ZRANB3: variants seen among roughly 807,000 people sequenced by gnomAD.
ZRANB3 encodes DNA annealing helicase and endonuclease ZRANB3.
In ZRANB3, 125 loss-of-function variants were observed where a neutral mutation model predicts 133.8. The ratio of observed to expected loss-of-function variants is 0.93; its 90% CI spans 0.81 to 1.08. The LOEUF (loss-of-function observed/expected upper bound fraction) is 1.08. ZRANB3 is among the 50% of genes least tolerant of loss of function. The pLI, the probability that ZRANB3 is intolerant of heterozygous loss-of-function variation, is 0.00. For missense variants in ZRANB3, 1,229 were observed against 1,275.5 expected, an observed-to-expected ratio of 0.96 and a Z score of 0.56; for synonymous variants, 387 against 432.7, an observed-to-expected ratio of 0.89 and a Z score of 1.31.
chr2:135,297,845 G>A (rs931002997), intron 8 of ZRANB3, among the ~76,000 whole-genome samples: 3 of 152,110 alleles, frequency 2.0e-5, no homozygotes, highest in Non-Finnish European at 4.4e-5. Flanking sequence ...ATTTCTCTAA[G>A]TGTTTCTTTT....
At chr2:135,250,127 T>C (rs895911265) in intron 12 of ZRANB3, among the ~76,000 whole-genome samples, 7 of 152,184 alleles carry the variant, frequency 4.6e-5, no homozygotes, top group African/African-American at 1.7e-4. Context: ...ATGAGGAATT[T>C]GCTGGGAACT....
At chr2:135,499,536 A>G (rs1692841376) in intron 2 of ZRANB3, among the ~76,000 whole-genome samples, 1 of 152,202 alleles carries the variant, frequency 6.6e-6, no homozygotes, top group Non-Finnish European at 1.5e-5. Flanking sequence ...CAGAAGAAAA[A>G]CAGATAAGAA....
At chr2:135,418,059 A>G (rs1269904208) in intron 2 of ZRANB3, among the ~76,000 whole-genome samples, 1 of 152,218 alleles carries the variant, frequency 6.6e-6, no homozygotes, top group Non-Finnish European at 1.5e-5. Context: ...ATGTATACAT[A>G]TGTAACTAAC....
intron 8 of ZRANB3, among the ~76,000 whole-genome samples, chr2:135,310,938 A>C (rs981130672): frequency 6.6e-6 from 1 of 151,590 alleles, no homozygotes; most frequent in Non-Finnish European, 1.5e-5. Flanking sequence ...AGATTAGGCA[A>C]AAATTTCTTA....
intron 6 of ZRANB3, among the ~76,000 whole-genome samples, chr2:135,337,326 A>G (rs1430290089): frequency 1.3e-5 from 2 of 152,228 alleles, no homozygotes; most frequent in Non-Finnish European, 2.9e-5. Context: ...CAGTTGTCTG[A>G]AGAATACTAT....
At chr2:135,382,511 C>T (rs1338306605) in intron 3 of ZRANB3, among the ~76,000 whole-genome samples, 2 of 152,134 alleles carry the variant, frequency 1.3e-5, no homozygotes, top group Non-Finnish European at 2.9e-5. Context: ...AGATACTCCT[C>T]GAGAAGAGCA....
rs552269501 is a variant in ZRANB3, at chr2:135,478,384, AC to A, written c.161+25944del. Among the ~76,000 whole-genome samples the A allele has an allele frequency of 2.0e-5, 3 of 151,038 alleles. No homozygotes were observed. The Admixed American group carries it at 2.0e-4, about 10-fold the overall frequency. Reference sequence around the variant, plus strand: ...GTTAAAGAAACAGAATATTATCAGCACCCCCCCGAAGCCTCTCTTGTGGCCC... The same window carrying A: ...GTTAAAGAAACAGAATATTATCAGCACCCCCCGAAGCCTCTCTTGTGGCCC... On this transcript the variant is annotated intron_variant, in intron 2 of 20. Transcript: ENST00000264159.
intron 2 of ZRANB3, among the ~76,000 whole-genome samples, chr2:135,479,927 C>T (rs956134595): frequency 2.6e-5 from 4 of 151,476 alleles, no homozygotes; most frequent in African/African-American, 9.7e-5. Flanking sequence ...CCTATACTTA[C>T]GATTAATTCA....
rs1368153434 is a variant in ZRANB3, at chr2:135,198,188, C to T, written c.*2154G>A. The T allele has an allele frequency of 1.3e-5, 2 of 152,198 alleles. No individual in the cohort carries two copies. The allele number at this position is 152,198 out of a possible 1,614,324, so 9.4% of individuals were successfully genotyped here. A position where few individuals can be genotyped will look rare whatever the true frequency, so the allele number is the denominator to read the frequency against. On this transcript the variant is annotated 3_prime_UTR_variant, in exon 21 of 21. Transcript: ENST00000264159. ...CACTTTCTGTGTCCCTCTGTCATAA[C>T]CTCCCATTTGCAATACATAGTGGGG...
rs570867243 is a variant in ZRANB3, at chr2:135,311,796, T to C, written c.966+1693A>G. On this transcript the variant is annotated intron_variant, in intron 8 of 20. Transcript: ENST00000264159. ...TTTTGTTCCCATACATTGGAGGATGTAAGGAAAGCAATAAAAAGGAAAAGT... is the reference window on the plus strand; with the variant it reads ...TTTTGTTCCCATACATTGGAGGATGCAAGGAAAGCAATAAAAAGGAAAAGT... 3.9e-5 allele frequency among the ~76,000 whole-genome samples: 6 copies of C among 152,222 alleles called. No homozygotes were observed. In the East Asian group the frequency reaches 1.2e-3, roughly 29 times the overall value.
chr2:135,438,481 G>T (rs1281282692), intron 2 of ZRANB3, among the ~76,000 whole-genome samples: 2 of 149,536 alleles, frequency 1.3e-5, no homozygotes, highest in Non-Finnish European at 3.0e-5. Flanking sequence ...CTCTAGCATG[G>T]GTGACAAGAG....
chr2:135,239,602 A>G (rs528926203), intron 12 of ZRANB3, among the ~76,000 whole-genome samples: 2 of 152,350 alleles, frequency 1.3e-5, no homozygotes, highest in South Asian at 4.1e-4. Flanking sequence ...AAGTTATCTA[A>G]TTAGTTGTGA....
chr2:135,248,287 C>T (rs937838403), intron 12 of ZRANB3, among the ~76,000 whole-genome samples: 9 of 152,134 alleles, frequency 5.9e-5, no homozygotes, highest in African/African-American at 2.2e-4. Flanking sequence ...AGTAGCTGCT[C>T]GGCAACTCCC....
chr2:135,412,950 G>C (rs570850472), intron 2 of ZRANB3, among the ~76,000 whole-genome samples: 1 of 151,962 alleles, frequency 6.6e-6, no homozygotes, highest in African/African-American at 2.4e-5. Flanking sequence ...GTATTACTCT[G>C]GATCTATTAT....
At chr2:135,430,759 T>C (rs1689287263) in intron 2 of ZRANB3, among the ~76,000 whole-genome samples, 2 of 152,300 alleles carry the variant, frequency 1.3e-5, no homozygotes, top group East Asian at 3.9e-4. Flanking sequence ...AAATCATCCA[T>C]ATATGGTCAA....
intron 8 of ZRANB3, among the ~76,000 whole-genome samples, chr2:135,296,476 C>G (rs768403433): frequency 6.6e-6 from 1 of 151,978 alleles, no homozygotes; most frequent in Admixed American, 6.6e-5. Flanking sequence ...GTTAGCCATT[C>G]GTCTAATTTT....
intron 6 of ZRANB3, among the ~76,000 whole-genome samples, chr2:135,320,508 CTCAT>C (rs1226517071): frequency 5.9e-5 from 9 of 152,158 alleles, no homozygotes; most frequent in Non-Finnish European, 1.3e-4. Context: ...TAATTATTTT[CTCAT>C]TCAGTTTTAC....
chr2:135,202,368 T>G (rs1287587278), intron 20 of ZRANB3: 2 of 152,462 alleles, frequency 1.3e-5, no homozygotes, highest in African/African-American at 4.8e-5. Context: ...AACAGGTAAC[T>G]AACTACCCAA....
In ZRANB3 at chr2:135,230,722, G is replaced by A; in HGVS notation, c.1745C>T (p.Ala582Val). ...EPETKRLKLA[A>V]SEDHCSPSEE... ...CGACGGACTGCAGTGGTCTTCCGAGGCAGCCAATTTCAATCTTTTCGTTTC... is the reference window on the plus strand; with the variant it reads ...CGACGGACTGCAGTGGTCTTCCGAGACAGCCAATTTCAATCTTTTCGTTTC... Residue 582 changes from alanine to valine, a missense_variant, in exon 13 of 21, where the codon GCC (alanine) becomes GTC (valine). Physicochemically the swap from Ala to Val is moderately conservative, Grantham distance 64. Coordinates refer to ENST00000264159, the MANE Select transcript of ZRANB3 (RefSeq NM_032143.4). 3.1e-6 allele frequency: 5 copies of A among 1,612,930 alleles called. No homozygotes were observed. Among genetic ancestry groups the A allele is most frequent in the Non-Finnish European group, 4.2e-6 (5 of 1,179,576 alleles).
Sources: gnomAD v4.1 joint callset for allele counts (sites outside exome capture counted in the v4.1 genomes callset) on GRCh38, gnomAD v4.1.1 for gene constraint, MANE v1.5 for transcripts, NCBI Gene and HGNC (gene_info 2026-07-23, HGNC 2026-07-21) for gene names.